GNG4: variants seen among roughly 807,000 people sequenced by gnomAD.
GNG4 encodes guanine nucleotide-binding protein G(I)/G(S)/G(O) subunit gamma-4.
In GNG4, 4 loss-of-function variants were observed where a neutral mutation model predicts 5.8. That is an observed-to-expected ratio of 0.69 (90% CI 0.34 to 1.57). The LOEUF (loss-of-function observed/expected upper bound fraction) is 1.57, where lower values mean the gene tolerates loss of function less well. GNG4 is among the 40% of genes most tolerant of loss of function. The pLI is 0.06. For synonymous variants in GNG4, 29 were observed against 32.9 expected (o/e 0.88, Z 0.41); for missense variants, 96 against 95.1 (o/e 1.01, Z -0.04).
At chr1:235,589,680 G>C (rs1049252371) in intron 2 of GNG4, among the ~76,000 whole-genome samples, 2 of 152,152 alleles carry the variant, frequency 1.3e-5, no homozygotes, top group African/African-American at 4.8e-5. Context: ...GACTCATAGG[G>C]AGGGTTTTCC....
rs1657614879 is a variant in GNG4 at position 235,649,736 on chromosome 1, T to A, written c.-197A>T. 6.6e-6 allele frequency: 1 copy of A among 151,240 alleles called. No individual in the cohort carries two copies. The highest frequency in any genetic ancestry group is 6.6e-5 in the Admixed American group (1 of 15,204). 9.4% of individuals were successfully genotyped at this position (151,240 alleles called of 1,614,324 possible). ...GGGCGGCCAGGCCGAGCGGCATCGC[T>A]CCGCATCGGGGCGCGGGCCGGGCTC... On this transcript the variant is annotated 5_prime_UTR_variant, in exon 1 of 4. Coordinates refer to ENST00000391854, the MANE Select transcript of GNG4 (RefSeq NM_001098722.2). The surrounding 1 kb of genome is among the most constrained non-coding windows in gnomAD (Gnocchi z 5.7).
intron 3 of GNG4, among the ~76,000 whole-genome samples, chr1:235,570,344 C>A (rs1687301016): frequency 6.7e-6 from 1 of 150,170 alleles, no homozygotes; most frequent in African/African-American, 2.5e-5. Context: ...CCCTCCAATT[C>A]TTTCCTTAGC....
intron 1 of GNG4, among the ~76,000 whole-genome samples, chr1:235,596,375 A>G (rs759929947): frequency 3.3e-5 from 5 of 151,986 alleles, no homozygotes; most frequent in Non-Finnish European, 5.9e-5. Context: ...CTGTCTCTAC[A>G]AAAAATACAA....
chr1:235,618,153 G>C (rs1356639441), intron 1 of GNG4, among the ~76,000 whole-genome samples: 1 of 152,110 alleles, frequency 6.6e-6, no homozygotes, highest in East Asian at 1.9e-4. Flanking sequence ...ATAAATAAAA[G>C]CATGAATAAC....
At chr1:235,605,866 A>G (rs927106466) in intron 1 of GNG4, among the ~76,000 whole-genome samples, 1 of 151,708 alleles carries the variant, frequency 6.6e-6, no homozygotes, top group Non-Finnish European at 1.5e-5. Context: ...TGGGACTGGT[A>G]TCATGTAGGC....
At chr1:235,646,484 C>T (rs923606329) in intron 1 of GNG4, among the ~76,000 whole-genome samples, 4 of 152,252 alleles carry the variant, frequency 2.6e-5, no homozygotes, top group Admixed American at 6.5e-5. Context: ...CCACATGACA[C>T]GTCTAGCCCA....
At chr1:235,570,579 T>C (rs1401445073) in intron 3 of GNG4, among the ~76,000 whole-genome samples, 1 of 151,778 alleles carries the variant, frequency 6.6e-6, no homozygotes, top group Non-Finnish European at 1.5e-5. Flanking sequence ...GTATCTTTAG[T>C]AGAGACAGGG....
At chr1:235,591,335 G>A (rs931399348) in intron 2 of GNG4, among the ~76,000 whole-genome samples, 7 of 152,178 alleles carry the variant, frequency 4.6e-5, no homozygotes, top group African/African-American at 1.7e-4. Context: ...CTTAACCTGG[G>A]AGTGAGGTGT....
intron 1 of GNG4, among the ~76,000 whole-genome samples, chr1:235,645,535 C>G (rs558483552): frequency 7.3e-4 from 111 of 152,298 alleles, no homozygotes; most frequent in African/African-American, 2.4e-3. Context: ...TGGTGGCTCA[C>G]ACCTGTAATC....
intron 3 of GNG4, among the ~76,000 whole-genome samples, chr1:235,569,029 G>C (rs916988457): frequency 6.6e-6 from 1 of 152,060 alleles, no homozygotes; most frequent in Non-Finnish European, 1.5e-5. Flanking sequence ...GTTTCACCAT[G>C]CTGGCCAGGC....
intron 3 of GNG4, among the ~76,000 whole-genome samples, chr1:235,570,529 T>A (rs1483217614): frequency 1.3e-5 from 2 of 151,208 alleles, no homozygotes; most frequent in Non-Finnish European, 2.9e-5. Context: ...CCCGAGTAGC[T>A]GGGATTACAG....
chr1:235,617,431 C>T (rs1250875205), intron 1 of GNG4, among the ~76,000 whole-genome samples: 3 of 152,152 alleles, frequency 2.0e-5, no homozygotes, highest in Admixed American at 1.3e-4. Context: ...GGGGGCAGCA[C>T]CTGGTATTTC....
chr1:235,646,374 C>A (rs185542132), intron 1 of GNG4, among the ~76,000 whole-genome samples: 1 of 152,368 alleles, frequency 6.6e-6, no homozygotes, highest in East Asian at 1.9e-4. Context: ...ACCAAACCCG[C>A]TGCCAGAACA....
At chr1:235,624,508 C>A (rs768096744) in intron 1 of GNG4, among the ~76,000 whole-genome samples, 6 of 152,040 alleles carry the variant, frequency 3.9e-5, no homozygotes, top group Non-Finnish European at 7.4e-5. Flanking sequence ...TTGAGTTTTC[C>A]ATTTCATTTT....
At chr1:235,630,994 G>A (rs182749463) in intron 1 of GNG4, among the ~76,000 whole-genome samples, 44 of 152,108 alleles carry the variant, frequency 2.9e-4, no homozygotes, top group African/African-American at 1.0e-3. Context: ...TGCCTCCCAG[G>A]TTCAAGCGAT....
At chr1:235,625,870 C>G (rs763484821) in intron 1 of GNG4, among the ~76,000 whole-genome samples, 15 of 152,122 alleles carry the variant, frequency 9.9e-5, no homozygotes, top group Admixed American at 7.2e-4. Flanking sequence ...CGAGTTTGGG[C>G]AATTATGAAT....
At chr1:235,646,001 G>A (rs911708387) in intron 1 of GNG4, among the ~76,000 whole-genome samples, 1 of 152,096 alleles carries the variant, frequency 6.6e-6, no homozygotes, top group African/African-American at 2.4e-5. Flanking sequence ...CACAGTTAAT[G>A]CCAGCTCATA....
At position 235,605,962 on chromosome 1, in the gene GNG4, GT is replaced by G. The variant is rs71583793; in HGVS notation, c.-122-10452del. Among the ~76,000 whole-genome samples, 1,308 of 147,154 alleles carry G rather than the reference GT, an allele frequency of 8.9e-3. 35 individuals are homozygous for G. The highest frequency in any genetic ancestry group is 0.028 in the African/African-American group (1,135 of 40,042). ...TTTTTTTGATTGAGAGTGTGGGGGG[GT>G]GGGTCTCACTGTGTTGCCCAGGCTG... On this transcript the variant is annotated intron_variant, in intron 1 of 3. Coordinates refer to ENST00000391854, the MANE Select transcript of GNG4 (RefSeq NM_001098722.2).
At position 235,552,102 on chromosome 1, in the gene GNG4, C is replaced by T. The variant is rs773225478; in HGVS notation, c.*7G>A. The T allele has an allele frequency of 8.7e-6, 14 of 1,613,498 alleles. No individual in the cohort carries two copies. The Middle Eastern group carries it at 9.9e-4, about 114-fold the overall frequency. On this transcript the variant is annotated 3_prime_UTR_variant, in exon 4 of 4. Coordinates refer to ENST00000391854, the MANE Select transcript of GNG4 (RefSeq NM_001098722.2). ...CAGAAAAGGAGGCGTTTTCATCACA[C>T]ACGGAGTTAGAGAATGGTACAAAAG...
Sources: gnomAD v4.1 joint callset for allele counts (sites outside exome capture counted in the v4.1 genomes callset) on GRCh38, gnomAD v4.1.1 for gene constraint, Gnocchi (gnomAD v3.1) non-coding constraint, MANE v1.5 for transcripts, NCBI Gene and HGNC (gene_info 2026-07-23, HGNC 2026-07-21) for gene names.